Variants in CREBL2 observed in about 807,000 individuals in gnomAD.
CREBL2 encodes the protein cAMP responsive element binding protein like 2, also known as cAMP-responsive element-binding protein-like 2.
CREBL2 carries 4 observed loss-of-function variants against 19.5 expected under a neutral mutation model. The ratio of observed to expected loss-of-function variants is 0.20; its 90% confidence interval spans 0.10 to 0.47. The LOEUF is 0.47. Among genes scored for constraint, CREBL2 ranks in the 20% least tolerant of loss-of-function variants. CREBL2 has a pLI of 0.98. For missense variants in CREBL2, 85 were observed against 145.1 expected, an observed-to-expected ratio of 0.59 and a Z score of 2.13; for synonymous variants, 42 against 46.6, an observed-to-expected ratio of 0.90 and a Z score of 0.40.
At chr12:12,613,981 C>A (rs370652745) in intron 1 of CREBL2, among the ~76,000 whole-genome samples, 3 of 93,376 alleles carry the variant, frequency 3.2e-5, no homozygotes, top group Non-Finnish European at 4.2e-5. Flanking sequence ...TTTCTTTTTT[C>A]TTTTTTTTCT....
intron 3 of CREBL2, 131 bp downstream of exon 3, chr12:12,637,845 A>G: frequency 4.0e-6 from 4 of 990,404 alleles, no homozygotes; most frequent in Non-Finnish European, 5.6e-6. Flanking sequence ...GTTCAAGACC[A>G]GACAGGGCAA....
intron 3 of CREBL2, among the ~76,000 whole-genome samples, chr12:12,641,253 A>ATTATTATTTTTTTTTTTTTT (rs1478394376): frequency 1.3e-5 from 1 of 78,260 alleles, no homozygotes; most frequent in Non-Finnish European, 2.5e-5. Flanking sequence ...TATTATTATT[A>ATTATTATTTTTTTTTTTTTT]TTTTTTTTTA....
At chr12:12,636,086 G>A in intron 2 of CREBL2, 112 bp downstream of exon 2, 2 of 1,025,514 alleles carry the variant, frequency 2.0e-6, no homozygotes, top group East Asian at 2.7e-5. Flanking sequence ...ACATTGGAGA[G>A]AATATTAATC....
At position 12,644,103 on chromosome 12, in the gene CREBL2, C is replaced by T. The variant is rs1945546527; in HGVS notation, c.*2105C>T. The T allele has an allele frequency of 1.3e-5, 2 of 152,598 alleles. No individual in the cohort carries two copies. Among genetic ancestry groups the T allele is most frequent in the African/African-American group, 2.4e-5 (1 of 41,422 alleles). The allele number at this position is 152,598 out of a possible 1,614,324, so 9.5% of individuals were successfully genotyped here. A position where few individuals can be genotyped will look rare whatever the true frequency, so the allele number is the denominator to read the frequency against. On this transcript the variant is annotated 3_prime_UTR_variant, in exon 4 of 4. Transcript: ENST00000228865. ...GAGTCATTTGAGCTTTCTCCCCTCC[C>T]GCTAGTATCTTTACAGGAGCAGGGA...
At chr12:12,625,963 G>A (rs1369859441) in intron 1 of CREBL2, among the ~76,000 whole-genome samples, 1 of 152,146 alleles carries the variant, frequency 6.6e-6, no homozygotes, top group South Asian at 2.1e-4. Flanking sequence ...AAAAGATGAG[G>A]ATAATAGTGC....
intron 3 of CREBL2, among the ~76,000 whole-genome samples, chr12:12,640,948 T>C (rs1278312416): frequency 6.6e-6 from 1 of 152,152 alleles, no homozygotes; most frequent in Non-Finnish European, 1.5e-5. Flanking sequence ...TAAGACTCCA[T>C]TGCCAAATGC....
intron 1 of CREBL2, among the ~76,000 whole-genome samples, chr12:12,628,944 A>G (rs980500339): frequency 1.3e-5 from 2 of 152,174 alleles, no homozygotes; most frequent in Admixed American, 6.5e-5. Context: ...GTAAGGATTT[A>G]TTTCTGGATT....
At chr12:12,637,915 G>A (rs1001096280) in intron 3 of CREBL2, among the ~76,000 whole-genome samples, 1 of 151,896 alleles carries the variant, frequency 6.6e-6, no homozygotes, top group African/African-American at 2.4e-5. Context: ...GGGGGTGCAT[G>A]CCTGTAATCC....
At chr12:12,616,784 C>T (rs892541827) in intron 1 of CREBL2, among the ~76,000 whole-genome samples, 3 of 152,158 alleles carry the variant, frequency 2.0e-5, no homozygotes, top group Non-Finnish European at 4.4e-5. Flanking sequence ...CACACTCTCT[C>T]GTCCCATTTT....
At chr12:12,635,632 C>T (rs189229454) in intron 1 of CREBL2, 145 bp from the exon 2 acceptor site, 914 of 821,098 alleles carry the variant, frequency 1.1e-3, no homozygotes, top group Non-Finnish European at 1.5e-3. Context: ...ACCCAGAAGG[C>T]ATTTGATGGG....
intron 1 of CREBL2, among the ~76,000 whole-genome samples, chr12:12,620,419 A>G (rs1310960756): frequency 1.3e-5 from 2 of 151,994 alleles, no homozygotes; most frequent in African/African-American, 2.4e-5. Flanking sequence ...TATTTTTTGT[A>G]GAGACAGCCT....
chr12:12,639,017 T>C (rs1945497923), intron 3 of CREBL2, among the ~76,000 whole-genome samples: 1 of 152,230 alleles, frequency 6.6e-6, no homozygotes, highest in African/African-American at 2.4e-5. Context: ...TTTCTGTCTC[T>C]ATGGATTTAC....
intron 1 of CREBL2, among the ~76,000 whole-genome samples, chr12:12,619,435 A>G (rs1945342909): frequency 6.6e-6 from 1 of 152,094 alleles, no homozygotes; most frequent in African/African-American, 2.4e-5. Context: ...GCGAAACCCC[A>G]TCTCTTCAAA....
At position 12,638,323 on chromosome 12, in the gene CREBL2, G is replaced by A. The variant is rs1012119330; in HGVS notation, c.358+609G>A. Reference sequence around the variant, plus strand: ...GCAGTGGTGTGCGCCTGTAATCCCAGCTACTCAGGAGTCTGAAGCACAAGA... The same window carrying A: ...GCAGTGGTGTGCGCCTGTAATCCCAACTACTCAGGAGTCTGAAGCACAAGA... On this transcript the variant is annotated intron_variant, in intron 3 of 3. Transcript: ENST00000228865. Among the ~76,000 whole-genome samples, 8 of 152,104 alleles carry A rather than the reference G, an allele frequency of 5.3e-5. No homozygotes were observed. The East Asian group carries it at 7.7e-4, about 15-fold the overall frequency.
At chr12:12,612,296 A>G in intron 1 of CREBL2, 109 bp downstream of exon 1, 5 of 1,584,198 alleles carry the variant, frequency 3.2e-6, no homozygotes, top group Non-Finnish European at 3.4e-6. Flanking sequence ...ACACCTGCCT[A>G]AAACATCCCT....
intron 3 of CREBL2, among the ~76,000 whole-genome samples, chr12:12,638,595 A>T (rs912804033): frequency 2.0e-5 from 3 of 152,022 alleles, no homozygotes; most frequent in Admixed American, 1.3e-4. Context: ...GTTAATAATA[A>T]TACCTTTTAT....
intron 3 of CREBL2, among the ~76,000 whole-genome samples, chr12:12,639,018 A>G (rs984946043): frequency 4.6e-5 from 7 of 152,126 alleles, no homozygotes; most frequent in African/African-American, 1.7e-4. Flanking sequence ...TTCTGTCTCT[A>G]TGGATTTACC....
chr12:12,612,029 T>G lies in CREBL2; in HGVS notation c.-144T>G. 2.1e-6 allele frequency: 2 copies of G among 972,064 alleles called. No homozygotes were observed. Among genetic ancestry groups the G allele is most frequent in the Non-Finnish European group, 3.1e-6 (2 of 640,912 alleles). 60.2% of individuals were successfully genotyped at this position (972,064 alleles called of 1,614,324 possible). On this transcript the variant is annotated 5_prime_UTR_variant, in exon 1 of 4. Transcript: ENST00000228865. ...GTCCCTCGTCCCCGTGACTCTGGCATCAGGGAAGCGAACTGTTAGGCGAGA... is the reference window on the plus strand; with the variant it reads ...GTCCCTCGTCCCCGTGACTCTGGCAGCAGGGAAGCGAACTGTTAGGCGAGA...
intron 1 of CREBL2, among the ~76,000 whole-genome samples, chr12:12,628,806 G>A (rs771805187): frequency 1.3e-4 from 20 of 152,122 alleles, no homozygotes; most frequent in Non-Finnish European, 2.6e-4. Context: ...TATATGGTAC[G>A]AGGTAGTGAT....
Sources: gnomAD v4.1 joint callset for allele counts (sites outside exome capture counted in the v4.1 genomes callset) on GRCh38, gnomAD v4.1.1 for gene constraint, MANE v1.5 for transcripts, NCBI Gene and HGNC (gene_info 2026-07-23, HGNC 2026-07-21) for gene names.